The following FANK1 variants were observed in gnomAD, a reference collection of about 807,000 sequenced individuals.
FANK1 encodes fibronectin type 3 and ankyrin repeat domains protein 1.
A neutral mutation model predicts 45.3 loss-of-function variants in FANK1; 44 were observed. The ratio of observed to expected loss-of-function variants is 0.97; its 90% CI spans 0.76 to 1.25. The LOEUF is 1.25. Ranked by LOEUF, FANK1 falls within the 50% of genes most tolerant of loss-of-function variation. FANK1 has a pLI of 0.00. For synonymous variants in FANK1, 149 were observed against 152.5 expected (o/e 0.98, Z 0.17); for missense variants, 391 against 424.4 (o/e 0.92, Z 0.69).
At chr10:125,917,072 A>G (rs996141457) in intron 1 of FANK1, among the ~76,000 whole-genome samples, 2 of 152,236 alleles carry the variant, frequency 1.3e-5, no homozygotes, top group Non-Finnish European at 2.9e-5. Flanking sequence ...ATGGGAGGCC[A>G]TTCTTTTGGG....
At chr10:125,993,130 G>A (rs1200311979) in intron 3 of FANK1, among the ~76,000 whole-genome samples, 3 of 152,168 alleles carry the variant, frequency 2.0e-5, no homozygotes, top group Non-Finnish European at 2.9e-5. Context: ...AAAAGCCTAC[G>A]TACAGCTTAA....
chr10:125,954,512 T>G (rs1231399244), intron 1 of FANK1, among the ~76,000 whole-genome samples: 1 of 152,198 alleles, frequency 6.6e-6, no homozygotes, highest in African/African-American at 2.4e-5. Flanking sequence ...AAAGGATCAA[T>G]AATTTTTAAA....
intron 1 of FANK1, among the ~76,000 whole-genome samples, chr10:125,970,162 G>C (rs11244736): frequency 0.35 from 53,814 of 151,814 alleles, 9,793 homozygotes; most frequent in South Asian, 0.42. Flanking sequence ...ACGGGGTGGC[G>C]GCCGGGCAGA....
At chr10:126,002,763 C>CTTTTTTTTTT (rs375158618) in intron 6 of FANK1, among the ~76,000 whole-genome samples, 1 of 113,208 alleles carries the variant, frequency 8.8e-6, no homozygotes, top group Non-Finnish European at 1.8e-5. Context: ...TTTGCCTCTC[C>CTTTTTTTTTT]TTTTTTTTTT....
At chr10:126,008,330 A>G (rs562336228) in intron 7 of FANK1, 77 bp from the exon 8 acceptor site, 1 of 1,492,892 alleles carries the variant, frequency 6.7e-7, no homozygotes, top group Admixed American at 2.3e-5. Context: ...GGGGCAAGCA[A>G]ATATTCCTTT....
intron 1 of FANK1, among the ~76,000 whole-genome samples, chr10:125,949,904 G>T (rs1233337912): frequency 7.0e-6 from 1 of 143,610 alleles, no homozygotes; most frequent in Non-Finnish European, 1.5e-5. Context: ...CATGGTACTG[G>T]TACCAAAAGA....
In FANK1 at chr10:125,932,022, T is replaced by G. The variant is rs112813718; in HGVS notation, c.13+35367T>G. Among the ~76,000 whole-genome samples the G allele has an allele frequency of 4.8e-3, 732 of 152,276 alleles. 8 individuals are homozygous for G. Among genetic ancestry groups the G allele is most frequent in the African/African-American group, 0.016 (666 of 41,550 alleles). ...TCAGTTGGTTATAAGTGTTTGGGCT[T>G]ATTTTTGGGTTCTCTATTCTGTTTC... On this transcript the variant is annotated intron_variant, in intron 1 of 10. Coordinates refer to ENST00000368693, the MANE Select transcript of FANK1 (RefSeq NM_145235.5).
chr10:125,953,125 G>T (rs1379006166), intron 1 of FANK1, among the ~76,000 whole-genome samples: 1 of 152,188 alleles, frequency 6.6e-6, no homozygotes, highest in African/African-American at 2.4e-5. Context: ...AGTAGGACTG[G>T]TGTCAGAACT....
At chr10:125,937,862 C>T (rs1948201001) in intron 1 of FANK1, among the ~76,000 whole-genome samples, 1 of 152,100 alleles carries the variant, frequency 6.6e-6, no homozygotes, top group Admixed American at 6.6e-5. Context: ...TTAAAGCTGC[C>T]TATAAAAGTA....
At chr10:125,899,141 A>G (rs957084781) in intron 1 of FANK1, among the ~76,000 whole-genome samples, 103 of 152,216 alleles carry the variant, frequency 6.8e-4, no homozygotes, top group Admixed American at 2.2e-3. Context: ...GCTTACTGCA[A>G]CCTCCGCCTC....
chr10:125,989,562 C>A, intron 3 of FANK1: 1 of 710,960 alleles, frequency 1.4e-6, no homozygotes, highest in Non-Finnish European at 2.6e-6. Context: ...AGCTGTGGTA[C>A]CTTCAGTTGC....
chr10:125,990,209 C>T (rs572033313), intron 3 of FANK1, among the ~76,000 whole-genome samples: 5 of 152,316 alleles, frequency 3.3e-5, no homozygotes, highest in Admixed American at 1.3e-4. Context: ...ACCTACATTG[C>T]GGGCTCCGAA....
chr10:125,960,796 A>G (rs182569321), intron 1 of FANK1, among the ~76,000 whole-genome samples: 6 of 152,302 alleles, frequency 3.9e-5, no homozygotes, highest in African/African-American at 9.6e-5. Flanking sequence ...CGGCCTCCCA[A>G]AGTGCTGGGA....
intron 1 of FANK1, among the ~76,000 whole-genome samples, chr10:125,970,305 ACGG>A (rs1340545205): frequency 1.3e-5 from 2 of 151,358 alleles, no homozygotes; most frequent in Non-Finnish European, 2.9e-5. Context: ...TGCCTCCCAG[ACGG>A]GGCGGCGGCC....
Position 125,984,823 on chromosome 10 carries a change from T to G in FANK1, c.192-3728T>G, listed in dbSNP as rs180806546. ...AACAAAAACAAGGCTATGCTTTAAA[T>G]TTTTGTAGACTTTCCTCTACTGTGG... On this transcript the variant is annotated intron_variant, in intron 2 of 10. Coordinates refer to ENST00000368693, the MANE Select transcript of FANK1 (RefSeq NM_145235.5). Among the ~76,000 whole-genome samples, 44 of 139,328 alleles carry G rather than the reference T, an allele frequency of 3.2e-4. 1 individual carries two copies. The highest frequency in any genetic ancestry group is 1.7e-3 in the South Asian group (8 of 4,802). 91.4% of individuals were successfully genotyped at this position (139,328 alleles called of 152,430 possible).
intron 1 of FANK1, among the ~76,000 whole-genome samples, chr10:125,930,295 A>G (rs1947662643): frequency 6.6e-6 from 1 of 151,728 alleles, no homozygotes; most frequent in Non-Finnish European, 1.5e-5. Flanking sequence ...AGGCCTCTCA[A>G]AGTGCTGAGA....
rs1948945676 is a variant in FANK1 at position 125,948,177 on chromosome 10, T to G, written c.14-31984T>G. On this transcript the variant is annotated intron_variant, in intron 1 of 10. Coordinates refer to ENST00000368693, the MANE Select transcript of FANK1 (RefSeq NM_145235.5). Reference sequence around the variant, plus strand: ...AGAGAAAGCAGGAAAGATCCAAAATTGACACCCTAACATCACAATTAAAAG... The same window carrying G: ...AGAGAAAGCAGGAAAGATCCAAAATGGACACCCTAACATCACAATTAAAAG... Among the ~76,000 whole-genome samples the G allele has an allele frequency of 2.1e-5, 3 of 145,222 alleles. No individual in the cohort carries two copies. In the South Asian group the frequency reaches 7.0e-4, roughly 34 times the overall value.
At chr10:125,900,563 C>G (rs2134099249) in intron 1 of FANK1, among the ~76,000 whole-genome samples, 1 of 152,246 alleles carries the variant, frequency 6.6e-6, no homozygotes, top group Admixed American at 6.5e-5. Flanking sequence ...TCTGTAAGCT[C>G]TTGCTATATA....
intron 1 of FANK1, among the ~76,000 whole-genome samples, chr10:125,959,054 GT>G (rs1949754211): frequency 1.3e-5 from 2 of 152,110 alleles, no homozygotes; most frequent in South Asian, 4.1e-4. Context: ...ACATTACTTT[GT>G]TTTTAACTAT....
Sources: gnomAD v4.1 joint callset for allele counts (sites outside exome capture counted in the v4.1 genomes callset) on GRCh38, gnomAD v4.1.1 for gene constraint, MANE v1.5 for transcripts, NCBI Gene and HGNC (gene_info 2026-07-23, HGNC 2026-07-21) for gene names.